KIF23: variants seen among roughly 807,000 people sequenced by gnomAD.
KIF23 encodes kinesin family member 23, also known as kinesin-like protein KIF23.
In KIF23, 30 loss-of-function variants were observed where a neutral mutation model predicts 137.5. That is an observed-to-expected ratio of 0.22 (90% CI 0.16 to 0.30). KIF23 has a LOEUF of 0.30. Among genes scored for constraint, KIF23 ranks in the 10% least tolerant of loss-of-function variants. The probability of loss-of-function intolerance (pLI) is 1.00; values close to 1 mark genes in which losing one functional copy is unlikely to be tolerated. For missense variants in KIF23, 920 were observed against 1,194.3 expected (o/e 0.77, Z 3.38); for synonymous variants, 367 against 391.1 (o/e 0.94, Z 0.73).
intron 11 of KIF23, among the ~76,000 whole-genome samples, chr15:69,431,480 G>C (rs2057353845): frequency 6.6e-6 from 1 of 152,188 alleles, no homozygotes; most frequent in Non-Finnish European, 1.5e-5. Flanking sequence ...TGGGCGTGGT[G>C]GTGGGCGCCT....
Position 69,429,205 on chromosome 15 carries a change from G to A in KIF23, c.1106G>A (p.Arg369His). 1 of 1,605,650 alleles carries A rather than the reference G, an allele frequency of 6.2e-7. No individual in the cohort carries two copies. The highest frequency in any genetic ancestry group is 8.5e-7 in the Non-Finnish European group (1 of 1,174,436). ...NRTRAEGNRL[R>H]EAGNINQSLM... ...ACCAGAGCAGAAGGGAACAGATTAC[G>A]TGAAGCTGGTGAGTAAAGCATGGTA... is the stretch of plus-strand genomic sequence containing the variant. Residue 369 changes from arginine to histidine, a missense_variant, in exon 11 of 24, where the codon CGT becomes CAT. By Grantham distance (29) the Arg-to-His change is conservative. Transcript: ENST00000679126.
rs745357135 is a variant in KIF23, at chr15:69,426,115, G to A, written c.822G>A (p.Met274Ile). The change falls in exon 9 of 24, where the codon ATG becomes ATA. Residue 274 changes from methionine (M) to isoleucine (I), a missense_variant. Met to Ile is a conservative substitution (Grantham distance 10). This residue lies in a region of KIF23 where 714 missense variants were observed against 866.2 expected (regional missense o/e 0.82). Coordinates refer to ENST00000679126, the MANE Select transcript of KIF23 (RefSeq NM_001367805.3). The stretch of plus-strand genomic sequence containing the variant: ...TTCGTGAAGATAAGAACCATAACAT[G>A]TATGTTGCAGGATGTACAGAAGTTG... ...KLLREDKNHN[M>I]YVAGCTEVEV... is the part of the protein sequence containing the mutation. 1 of 1,605,618 alleles carries A rather than the reference G, an allele frequency of 6.2e-7. No individual in the cohort carries two copies. Among genetic ancestry groups the A allele is most frequent in the South Asian group, 1.1e-5 (1 of 89,074 alleles).
chr15:69,443,465 A>C (rs2057673938), intron 19 of KIF23: 1 of 148,044 alleles, frequency 6.8e-6, no homozygotes, highest in South Asian at 2.1e-4. Flanking sequence ...CAGCCTCCTG[A>C]GTAGCTGGGA....
chr15:69,427,485 CT>C (rs1384435221), intron 10 of KIF23: 1 of 452,982 alleles, frequency 2.2e-6, no homozygotes, highest in Non-Finnish European at 4.4e-6. Flanking sequence ...TTTTTTCTCT[CT>C]GGCGACTCCT....
chr15:69,423,511 G>A (rs756821932), intron 7 of KIF23, among the ~76,000 whole-genome samples, 182 bp downstream of exon 7: 2 of 152,186 alleles, frequency 1.3e-5, no homozygotes, highest in Non-Finnish European at 2.9e-5. Context: ...AACTAGATAT[G>A]TACCTGTATT....
chr15:69,435,908 G>T, intron 13 of KIF23, 137 bp downstream of exon 13: 1 of 1,285,278 alleles, frequency 7.8e-7, no homozygotes, highest in Non-Finnish European at 1.1e-6. Flanking sequence ...TAGGCTTGGT[G>T]TGGTGGCTTA....
chr15:69,424,009 T>C (rs2057127072), intron 7 of KIF23, among the ~76,000 whole-genome samples: 1 of 152,228 alleles, frequency 6.6e-6, no homozygotes, highest in African/African-American at 2.4e-5. Context: ...TAATGCTGTC[T>C]TTATTAGGGC....
rs1172700470 is a variant in KIF23 at position 69,423,218 on chromosome 15, A to G, written c.623A>G (p.Glu208Gly). 5 of 1,603,134 alleles carry G rather than the reference A, an allele frequency of 3.1e-6. No individual in the cohort carries two copies. Among genetic ancestry groups the G allele is most frequent in the Admixed American group, 1.7e-5 (1 of 59,568 alleles). ...MITVQEFCKAEEVDEDSVYGV... is the reference protein window; with the variant it reads ...MITVQEFCKAGEVDEDSVYGV... Reference sequence around the variant, plus strand: ...ACTGTACAAGAATTCTGCAAAGCAGAAGAGGTTGATGAAGATAGTGTCTAT... The same window carrying G: ...ACTGTACAAGAATTCTGCAAAGCAGGAGAGGTTGATGAAGATAGTGTCTAT... The change falls in exon 7 of 24, where the codon GAA becomes GGA. Residue 208 changes from glutamate to glycine, a missense_variant. Around this residue, in one of 4 missense-constraint regions of KIF23, gnomAD observed 714 missense variants for 866.2 expected, o/e 0.82. Coordinates refer to ENST00000679126, the MANE Select transcript of KIF23 (RefSeq NM_001367805.3).
chr15:69,441,057 T>C lies in KIF23; in HGVS notation c.2399T>C (p.Ile800Thr), dbSNP rs1450740757. The change falls in exon 19 of 24, where the codon ATA becomes ACA. Residue 800 changes from isoleucine to threonine, a missense_variant. Transcript: ENST00000679126. ...CCTACATTCAGAAATGAGATAGAAA[T>C]AGAAGAGGATCATTGCGGCAGGGTT... Reference protein sequence around the residue: ...VVPTFRNEIEIEEDHCGRLLF... With the variant: ...VVPTFRNEIETEEDHCGRLLF... The C allele has an allele frequency of 6.2e-6, 10 of 1,612,540 alleles. No individual in the cohort carries two copies. Among genetic ancestry groups the C allele is most frequent in the African/African-American group, 2.7e-5 (2 of 74,906 alleles).
intron 11 of KIF23, among the ~76,000 whole-genome samples, chr15:69,429,543 G>GTA (rs1196750574): frequency 4.6e-5 from 7 of 152,094 alleles, no homozygotes; most frequent in African/African-American, 1.7e-4. Flanking sequence ...CTGGGCTCTA[G>GTA]TAATCTCTCA....
chr15:69,437,951 A>C (rs1464001491), intron 15 of KIF23, among the ~76,000 whole-genome samples: 1 of 152,170 alleles, frequency 6.6e-6, no homozygotes, highest in Non-Finnish European at 1.5e-5. Flanking sequence ...TGTTGTTTCT[A>C]TTTTTGCGTT....
rs111689996 is a variant in KIF23 at position 69,427,469 on chromosome 15, CTG to C, written c.1011+1015_1011+1016del. 9.5e-5 allele frequency: 43 copies of C among 454,402 alleles called. 1 individual carries two copies. Among genetic ancestry groups the C allele is most frequent in the African/African-American group, 2.8e-4 (14 of 50,038 alleles). 28.1% of individuals were successfully genotyped at this position (454,402 alleles called of 1,614,324 possible). A position where few individuals can be genotyped will look rare whatever the true frequency, so the allele number is the denominator to read the frequency against. On this transcript the variant is annotated intron_variant, in intron 10 of 23. Coordinates refer to ENST00000679126, the MANE Select transcript of KIF23 (RefSeq NM_001367805.3). Reference sequence around the variant, plus strand: ...CTTTGGTAGAAGTGATAAAATAAGACTGTGATTTTTTCTCTCTGGCGACTCCT... The same window carrying C: ...CTTTGGTAGAAGTGATAAAATAAGACTGATTTTTTCTCTCTGGCGACTCCT...
At chr15:69,435,432 A>T in intron 11 of KIF23, 51 bp from the exon 12 acceptor site, 2 of 1,374,726 alleles carry the variant, frequency 1.5e-6, no homozygotes, top group South Asian at 1.2e-5. Flanking sequence ...AACACACTTT[A>T]GCTACTATAC....
intron 8 of KIF23, 94 bp downstream of exon 8, chr15:69,425,417 A>G (rs975078694): frequency 7.2e-6 from 8 of 1,104,644 alleles, no homozygotes; most frequent in Non-Finnish European, 1.1e-5. Context: ...GTTATTTTCC[A>G]TTGTCACTGG....
intron 19 of KIF23, among the ~76,000 whole-genome samples, chr15:69,442,853 C>G (rs957000980): frequency 4.6e-5 from 7 of 152,186 alleles, no homozygotes; most frequent in African/African-American, 1.7e-4. Context: ...AGGTTAGTAT[C>G]TGTGCATCTA....
At chr15:69,443,896 C>T (rs1310880158) in intron 19 of KIF23, 1 of 152,190 alleles carries the variant, frequency 6.6e-6, no homozygotes, top group African/African-American at 2.4e-5. Context: ...CCTCCCACCT[C>T]AACCTCCTGA....
Position 69,441,063 on chromosome 15 carries a change from A to G in KIF23, c.2405A>G (p.Glu802Gly). ...PTFRNEIEIE[E>G]DHCGRLLFQP... Reference sequence around the variant, plus strand: ...TTCAGAAATGAGATAGAAATAGAAGAGGATCATTGCGGCAGGGTTAGTGCC... The same window carrying G: ...TTCAGAAATGAGATAGAAATAGAAGGGGATCATTGCGGCAGGGTTAGTGCC... The change falls in exon 19 of 24, where the codon GAG becomes GGG. Residue 802 changes from glutamate (E) to glycine (G), a missense_variant. Glu to Gly is a moderately conservative substitution (Grantham distance 98, BLOSUM62 -2). Around this residue, in one of 4 missense-constraint regions of KIF23, gnomAD observed 714 missense variants for 866.2 expected, o/e 0.82. Transcript: ENST00000679126. 1.2e-6 allele frequency: 2 copies of G among 1,611,468 alleles called. No individual in the cohort carries two copies. Among genetic ancestry groups the G allele is most frequent in the East Asian group, 4.5e-5 (2 of 44,826 alleles).
intron 11 of KIF23, among the ~76,000 whole-genome samples, chr15:69,433,502 A>G (rs2057402329): frequency 1.3e-5 from 2 of 152,156 alleles, no homozygotes; most frequent in African/African-American, 2.4e-5. Flanking sequence ...CTTGACTGTT[A>G]GAAACAACAG....
rs749367753 is a variant in KIF23, at chr15:69,422,414, A to G, written c.542A>G (p.Asn181Ser). The G allele has an allele frequency of 1.3e-6, 2 of 1,596,588 alleles. No individual in the cohort carries two copies. The highest frequency in any genetic ancestry group is 1.7e-6 in the Non-Finnish European group (2 of 1,164,086). Residue 181 changes from asparagine (N) to serine (S), a missense_variant, in exon 6 of 24, where the codon AAT becomes AGT. This residue lies in a region of KIF23 where 714 missense variants were observed against 866.2 expected (regional missense o/e 0.82). Coordinates refer to ENST00000679126, the MANE Select transcript of KIF23 (RefSeq NM_001367805.3). ...LERQKREAMP[N>S]PKTSSSKRQV... is the part of the protein sequence containing the mutation. ...CGTCAGAAAAGAGAAGCTATGCCCA[A>G]TCCAAAGACTTCTTCTAGCAAGTAA...
Sources: gnomAD v4.1 joint callset for allele counts (sites outside exome capture counted in the v4.1 genomes callset) on GRCh38, gnomAD v4.1.1 for gene constraint, gnomAD v4.1.1 regional missense constraint, MANE v1.5 for transcripts, NCBI Gene and HGNC (gene_info 2026-07-23, HGNC 2026-07-21) for gene names.